PFDN2: variants seen among roughly 807,000 people sequenced by gnomAD.
PFDN2 encodes the protein prefoldin 2.
A neutral mutation model predicts 18.3 loss-of-function variants in PFDN2; 7 were observed. That is an observed-to-expected ratio of 0.38 (90% CI 0.22 to 0.72). The LOEUF is 0.72. Among genes scored for constraint, PFDN2 ranks in the 30% least tolerant of loss-of-function variants. PFDN2 has a pLI of 0.47. For missense variants in PFDN2, 181 were observed against 199.1 expected (o/e 0.91, Z 0.55); for synonymous variants, 76 against 75.0 (o/e 1.01, Z -0.07).
At position 161,108,564 on chromosome 1, in the gene PFDN2, C is replaced by CAA. The variant is rs762346640; in HGVS notation, c.76-6191_76-6190dup. Among the ~76,000 whole-genome samples, 105 of 139,802 alleles carry CAA rather than the reference C, an allele frequency of 7.5e-4. 1 individual carries two copies. The highest frequency in any genetic ancestry group is 2.5e-3 in the African/African-American group (94 of 38,056). 91.7% of individuals were successfully genotyped at this position (139,802 alleles called of 152,430 possible). On this transcript the variant is annotated intron_variant, in intron 1 of 3. Coordinates refer to ENST00000368010, the MANE Select transcript of PFDN2 (RefSeq NM_012394.4). ...TGGGCAATAGAGTGAGACTCCATCT[C>CAA]AAAAAAAAAAACAAAAAACAAAAAA...
intron 1 of PFDN2, among the ~76,000 whole-genome samples, chr1:161,109,271 A>G (rs1266028046): frequency 6.6e-6 from 1 of 152,144 alleles, no homozygotes; most frequent in Non-Finnish European, 1.5e-5. Context: ...GCTTAAGTCT[A>G]GTTCTTTCTT....
chr1:161,107,862 C>G (rs570461855), intron 1 of PFDN2, among the ~76,000 whole-genome samples: 1 of 151,276 alleles, frequency 6.6e-6, no homozygotes, highest in East Asian at 1.9e-4. Context: ...ACCTGTAATC[C>G]CAGCACTTTG....
intron 3 of PFDN2, among the ~76,000 whole-genome samples, chr1:161,101,376 T>C (rs2101697961): frequency 6.6e-6 from 1 of 152,032 alleles, no homozygotes; most frequent in South Asian, 2.1e-4. Context: ...ATTTTTCGTA[T>C]TCTTAGTAGA....
At chr1:161,112,010 A>G (rs1654821021) in intron 1 of PFDN2, among the ~76,000 whole-genome samples, 2 of 152,148 alleles carry the variant, frequency 1.3e-5, no homozygotes, top group Admixed American at 1.3e-4. Context: ...CCACATTTAC[A>G]AGTTAGAGGA....
intron 1 of PFDN2, among the ~76,000 whole-genome samples, chr1:161,116,819 G>A (rs1020643776): frequency 6.6e-6 from 1 of 151,774 alleles, no homozygotes; most frequent in Admixed American, 6.6e-5. Context: ...CCGACATCCC[G>A]CAACTGTACT....
intron 1 of PFDN2, among the ~76,000 whole-genome samples, chr1:161,108,977 A>G (rs1482516519): frequency 6.6e-6 from 1 of 152,078 alleles, no homozygotes; most frequent in Non-Finnish European, 1.5e-5. Flanking sequence ...TCTACTCCCC[A>G]CACTGCAGCA....
At chr1:161,105,219 T>C (rs1335210094) in intron 1 of PFDN2, among the ~76,000 whole-genome samples, 1 of 152,144 alleles carries the variant, frequency 6.6e-6, no homozygotes, top group Non-Finnish European at 1.5e-5. Context: ...CAAGTGATCC[T>C]TCTGCCTCAG....
intron 1 of PFDN2, among the ~76,000 whole-genome samples, chr1:161,107,772 T>G (rs541774105): frequency 5.0e-4 from 75 of 150,206 alleles, no homozygotes; most frequent in African/African-American, 1.7e-3. Context: ...CCTAAGATCA[T>G]GCCACTGCAC....
chr1:161,104,584 A>G (rs1176270908), intron 1 of PFDN2, among the ~76,000 whole-genome samples: 2 of 151,858 alleles, frequency 1.3e-5, no homozygotes, highest in Non-Finnish European at 2.9e-5. Context: ...AGCTGGGACT[A>G]CAGGTGCACA....
chr1:161,110,112 T>C (rs567582678), intron 1 of PFDN2, among the ~76,000 whole-genome samples: 4 of 150,584 alleles, frequency 2.7e-5, no homozygotes, highest in African/African-American at 9.8e-5. Flanking sequence ...GTAATCCTAT[T>C]ACCTTGGCAG....
chr1:161,105,225 C>G (rs1007800190), intron 1 of PFDN2, among the ~76,000 whole-genome samples: 3 of 152,210 alleles, frequency 2.0e-5, no homozygotes, highest in African/African-American at 7.2e-5. Flanking sequence ...ATCCTTCTGC[C>G]TCAGCCTCCC....
rs773308065 is a variant in PFDN2, at chr1:161,102,364, G to T, written c.87C>A (p.Gly29=). The change falls in exon 2 of 4, where the codon GGC becomes GGA. Residue 29 remains glycine, a synonymous_variant. Coordinates refer to ENST00000368010, the MANE Select transcript of PFDN2 (RefSeq NM_012394.4). The part of the protein sequence containing the change: ...GAVSAEQVIA[G]FNRLRQEQRG... ...GCTGTTCCTGCCGAAGGCGGTTGAA[G>T]CCAGCAATCACCTAACAAGGTGAGA... The T allele has an allele frequency of 2.5e-6, 4 of 1,613,950 alleles. No individual in the cohort carries two copies. Among genetic ancestry groups the T allele is most frequent in the Non-Finnish European group, 3.4e-6 (4 of 1,179,798 alleles).
chr1:161,114,752 A>C (rs1296970004), intron 1 of PFDN2, among the ~76,000 whole-genome samples: 4 of 152,138 alleles, frequency 2.6e-5, no homozygotes, highest in African/African-American at 9.7e-5. Flanking sequence ...ATGAAATTCA[A>C]ACTTAGGTCT....
chr1:161,102,956 C>CA (rs1383337026), intron 1 of PFDN2, among the ~76,000 whole-genome samples: 4,413 of 91,780 alleles, frequency 0.048, 87 homozygotes, highest in African/African-American at 0.072. Context: ...AACTCCGTCT[C>CA]AAAAAAAAAA....
chr1:161,113,655 C>T (rs1255352637), intron 1 of PFDN2, among the ~76,000 whole-genome samples: 2 of 152,136 alleles, frequency 1.3e-5, no homozygotes. Context: ...GTGGCACACG[C>T]ATGTAGTCCC....
Position 161,100,728 on chromosome 1 carries a change from T to C in PFDN2, c.420A>G (p.Glu140=), listed in dbSNP as rs970080932. 3.7e-6 allele frequency: 6 copies of C among 1,614,158 alleles called. No homozygotes were observed. Among genetic ancestry groups the C allele is most frequent in the East Asian group, 4.5e-5 (2 of 44,892 alleles). Residue 140 remains glutamate (E), a synonymous_variant, in exon 4 of 4, where the codon GAA becomes GAG. Transcript: ENST00000368010. ...CTGAGCTGGCCTTAGCCCCAGCCCCTTCTGAGTTTTCCTTGGCTGCTGGCT... is the reference window on the plus strand; with the variant it reads ...CTGAGCTGGCCTTAGCCCCAGCCCCCTCTGAGTTTTCCTTGGCTGCTGGCT... ...DEKPAAKENS[E]GAGAKASSAG...
chr1:161,107,052 C>T (rs193229479), intron 1 of PFDN2, among the ~76,000 whole-genome samples: 3 of 152,360 alleles, frequency 2.0e-5, no homozygotes, highest in Admixed American at 2.0e-4. Context: ...TCAAGTGATC[C>T]TCCCATCCTA....
At chr1:161,101,729 G>A (rs925229448) in intron 3 of PFDN2, among the ~76,000 whole-genome samples, 5 of 152,018 alleles carry the variant, frequency 3.3e-5, no homozygotes, top group Admixed American at 2.0e-4. Context: ...ACTTAGCATA[G>A]CATAATGAGC....
At chr1:161,111,151 TCTTA>T (rs986162739) in intron 1 of PFDN2, among the ~76,000 whole-genome samples, 1 of 151,116 alleles carries the variant, frequency 6.6e-6, no homozygotes, top group African/African-American at 2.4e-5. Context: ...GAGATGGGGG[TCTTA>T]CTATGTTGCC....
Sources: gnomAD v4.1 joint callset for allele counts (sites outside exome capture counted in the v4.1 genomes callset) on GRCh38, gnomAD v4.1.1 for gene constraint, MANE v1.5 for transcripts, NCBI Gene and HGNC (gene_info 2026-07-23, HGNC 2026-07-21) for gene names.